Variants in SPAG16 observed in about 807,000 individuals in gnomAD.
The protein encoded by SPAG16 is sperm-associated antigen 16 protein.
Under a neutral mutation model 80.4 loss-of-function variants are expected in SPAG16, and 86 were observed. The observed-to-expected ratio is 1.07, with a 90% CI of 0.90 to 1.28. The LOEUF is 1.28. SPAG16 is among the 50% of genes most tolerant of loss of function. SPAG16 has a pLI of 0.00. For missense variants in SPAG16, 870 were observed against 765.3 expected (o/e 1.14, Z -1.61); for synonymous variants, 294 against 265.9 (o/e 1.11, Z -1.03).
intron 15 of SPAG16, among the ~76,000 whole-genome samples, chr2:214,399,719 A>G (rs1701601831): frequency 6.6e-6 from 1 of 152,130 alleles, no homozygotes; most frequent in Non-Finnish European, 1.5e-5. Flanking sequence ...TTTTGATATT[A>G]AATATAAGCC....
At chr2:213,367,546 A>T (rs562284284) in intron 8 of SPAG16, among the ~76,000 whole-genome samples, 1 of 152,390 alleles carries the variant, frequency 6.6e-6, no homozygotes, top group East Asian at 1.9e-4. Context: ...CAGTGTGATG[A>T]GCATTTTTTC....
At chr2:213,297,407 T>A in intron 3 of SPAG16, 50 bp downstream of exon 3, 1 of 1,132,396 alleles carries the variant, frequency 8.8e-7, no homozygotes, top group Non-Finnish European at 1.3e-6. Flanking sequence ...TAGTGCTTTT[T>A]ATATGAAGTT....
intron 9 of SPAG16, among the ~76,000 whole-genome samples, chr2:213,397,981 T>C (rs1026817904): frequency 2.0e-5 from 3 of 152,184 alleles, no homozygotes; most frequent in Non-Finnish European, 2.9e-5. Context: ...TCCCCTTCCA[T>C]GTTCTCCTTC....
intron 15 of SPAG16, among the ~76,000 whole-genome samples, chr2:214,176,587 A>G (rs1415491478): frequency 1.3e-5 from 2 of 151,370 alleles, no homozygotes; most frequent in Non-Finnish European, 3.0e-5. Flanking sequence ...AAGCTAACAA[A>G]AAGATTCCTT....
intron 1 of SPAG16, among the ~76,000 whole-genome samples, chr2:213,292,663 C>CTAAAAA: frequency 1.3e-5 from 1 of 76,392 alleles, no homozygotes; most frequent in Non-Finnish European, 2.4e-5. Context: ...GACTCCGTCT[C>CTAAAAA]AAAAAAAAAA....
chr2:213,844,519 ATAT>A (rs2074515831), intron 10 of SPAG16, among the ~76,000 whole-genome samples: 1 of 152,226 alleles, frequency 6.6e-6, no homozygotes, highest in Non-Finnish European at 1.5e-5. Flanking sequence ...ATTTCACATA[ATAT>A]TCATAATATT....
chr2:214,151,404 G>A (rs1248114497), intron 15 of SPAG16, among the ~76,000 whole-genome samples: 2 of 151,872 alleles, frequency 1.3e-5, no homozygotes, highest in African/African-American at 2.4e-5. Context: ...TAAGGATGGG[G>A]CACATAGGTC....
chr2:213,610,987 A>G (rs1271434495), intron 10 of SPAG16, among the ~76,000 whole-genome samples: 2 of 152,198 alleles, frequency 1.3e-5, no homozygotes, highest in Non-Finnish European at 2.9e-5. Flanking sequence ...ATAAACATCT[A>G]GAGGCCAGGA....
At chr2:213,346,915 G>C (rs183720836) in intron 6 of SPAG16, among the ~76,000 whole-genome samples, 119 of 152,228 alleles carry the variant, frequency 7.8e-4, no homozygotes, top group African/African-American at 2.7e-3. Context: ...AGTTAGGAAG[G>C]TATTCCTTCT....
At chr2:213,900,262 G>A (rs1347251040) in intron 11 of SPAG16, among the ~76,000 whole-genome samples, 2 of 152,072 alleles carry the variant, frequency 1.3e-5, no homozygotes, top group African/African-American at 2.4e-5. Context: ...TGCAAGAATG[G>A]CGTGTCTCCA....
intron 14 of SPAG16, among the ~76,000 whole-genome samples, chr2:214,140,066 A>G (rs2055269734): frequency 6.6e-6 from 1 of 152,220 alleles, no homozygotes; most frequent in South Asian, 2.1e-4. Flanking sequence ...CCTGAAATGT[A>G]TAAAACCAAA....
At chr2:214,040,152 G>A (rs1273112091) in intron 13 of SPAG16, among the ~76,000 whole-genome samples, 2 of 152,150 alleles carry the variant, frequency 1.3e-5, no homozygotes, top group Non-Finnish European at 2.9e-5. Flanking sequence ...GCATAGCCTG[G>A]GACCTCCAGA....
intron 6 of SPAG16, among the ~76,000 whole-genome samples, chr2:213,344,870 A>G (rs562951592): frequency 4.1e-4 from 62 of 152,318 alleles, no homozygotes. Flanking sequence ...TAGCAGCATG[A>G]TTTATAATCC....
intron 15 of SPAG16, among the ~76,000 whole-genome samples, chr2:214,340,323 G>A (rs533616519): frequency 2.0e-5 from 3 of 152,250 alleles, no homozygotes; most frequent in African/African-American, 4.8e-5. Context: ...CCTTTCACCT[G>A]CCCCAGCGTT....
chr2:213,525,240 C>G (rs2075842170), intron 10 of SPAG16, among the ~76,000 whole-genome samples: 1 of 151,750 alleles, frequency 6.6e-6, no homozygotes, highest in Admixed American at 6.6e-5. Context: ...TGAGGCCTCC[C>G]CAGCCCTGTG....
chr2:214,279,134 G>C (rs2125910202), intron 15 of SPAG16, among the ~76,000 whole-genome samples: 1 of 136,092 alleles, frequency 7.3e-6, no homozygotes, highest in South Asian at 2.3e-4. Context: ...GTCTCGCTCT[G>C]TCTTCAGGTT....
At chr2:214,204,372 A>G (rs2058088094) in intron 15 of SPAG16, among the ~76,000 whole-genome samples, 4 of 152,206 alleles carry the variant, frequency 2.6e-5, no homozygotes. Flanking sequence ...AAGCCAACCA[A>G]CACAAAACTA....
intron 11 of SPAG16, among the ~76,000 whole-genome samples, chr2:213,882,820 C>T (rs2106034907): frequency 6.6e-6 from 1 of 151,844 alleles, no homozygotes; most frequent in African/African-American, 2.4e-5. Context: ...TTAATTGTTT[C>T]TTTTCTTCTG....
chr2:214,243,829 CCTT>C (rs1174865485), intron 15 of SPAG16, among the ~76,000 whole-genome samples: 4 of 151,974 alleles, frequency 2.6e-5, no homozygotes, highest in African/African-American at 4.8e-5. Context: ...CAGAGCATCT[CCTT>C]CTACCCATAG....
Sources: gnomAD v4.1 joint callset for allele counts (sites outside exome capture counted in the v4.1 genomes callset) on GRCh38, gnomAD v4.1.1 for gene constraint, MANE v1.5 for transcripts, NCBI Gene and HGNC (gene_info 2026-07-23, HGNC 2026-07-21) for gene names.